C13orf46: variants seen among roughly 807,000 people sequenced by gnomAD.
The protein encoded by C13orf46 is chromosome 13 open reading frame 46.
At chr13:113,945,682 AC>A in the C13orf46 span, among the ~76,000 whole-genome samples, 1,214 of 93,854 alleles carry the variant, frequency 0.013, 12 homozygotes, top group Non-Finnish European at 0.016. Context: ...GGAAAGAAAA[AC>A]AAACCAAGTC....
At chr13:113,952,875 C>G (rs2052494781), downstream of C13orf46, among the ~76,000 whole-genome samples, 3 of 152,238 alleles carry the variant, frequency 2.0e-5, no homozygotes, top group African/African-American at 7.2e-5. Flanking sequence ...CACGCTCATG[C>G]TGGGCGGGGC....
the C13orf46 span, among the ~76,000 whole-genome samples, chr13:113,930,849 G>A: frequency 0.099 from 15,060 of 152,222 alleles, 1,038 homozygotes; most frequent in Non-Finnish European, 0.15. Context: ...CTGAGGCCCG[G>A]GTGGTCCTGG....
chr13:113,963,360 C>CT (rs878857362), intron 6 of C13orf46, among the ~76,000 whole-genome samples: 1 of 41,446 alleles, frequency 2.4e-5, no homozygotes, highest in African/African-American at 6.3e-5. Context: ...AGCCTCGGCC[C>CT]GTCCTCAGCC....
At chr13:113,952,906 C>T (rs902381723), downstream of C13orf46, among the ~76,000 whole-genome samples, 8 of 152,230 alleles carry the variant, frequency 5.3e-5, no homozygotes, top group South Asian at 2.1e-4. Flanking sequence ...AGGCAGCCCC[C>T]GGCCTCAGCA....
the C13orf46 span, among the ~76,000 whole-genome samples, chr13:113,939,158 G>A: frequency 7.7e-6 from 1 of 129,154 alleles, no homozygotes; most frequent in Non-Finnish European, 1.7e-5. Context: ...AACAGCGTCC[G>A]GCTTCTCACT....
chr13:113,953,189 C>G (rs947865294), downstream of C13orf46, among the ~76,000 whole-genome samples: 1 of 152,204 alleles, frequency 6.6e-6, no homozygotes, highest in African/African-American at 2.4e-5. Flanking sequence ...CTGAACAGCT[C>G]GCTCGGGACC....
chr13:113,945,155 T>C, the C13orf46 span, among the ~76,000 whole-genome samples: 7 of 152,182 alleles, frequency 4.6e-5, no homozygotes, highest in Non-Finnish European at 1.0e-4. Context: ...TCTCCAGTTG[T>C]GCGTGGGCCG....
At position 113,954,257 on chromosome 13, in the gene C13orf46, C is replaced by A. The variant is rs2052502850; in HGVS notation, c.*2516G>T. 1 of 152,328 alleles carries A rather than the reference C, an allele frequency of 6.6e-6. No individual in the cohort carries two copies. The highest frequency in any genetic ancestry group is 1.5e-5 in the Non-Finnish European group (1 of 68,114). 9.4% of individuals were successfully genotyped at this position (152,328 alleles called of 1,614,324 possible). A position where few individuals can be genotyped will look rare whatever the true frequency, so the allele number is the denominator to read the frequency against. On this transcript the variant is annotated 3_prime_UTR_variant, in exon 7 of 7. Coordinates refer to ENST00000636427, the MANE Select transcript of C13orf46 (RefSeq NM_001365455.2). ...GTGGCCTCTGACTGCCTTAGAGACA[C>A]CCGGATCAGAGATGCTGCAGGTCAC...
intron 6 of C13orf46, among the ~76,000 whole-genome samples, chr13:113,959,448 C>A (rs1298352814): frequency 6.6e-6 from 1 of 152,084 alleles, no homozygotes; most frequent in Non-Finnish European, 1.5e-5. Context: ...CAGGTGCTTC[C>A]CCTTTTAATC....
At chr13:113,931,322 C>G in the C13orf46 span, among the ~76,000 whole-genome samples, 1 of 152,350 alleles carries the variant, frequency 6.6e-6, no homozygotes, top group South Asian at 2.1e-4. Context: ...GCGGTTGCTT[C>G]TGTGGCTCCT....
intron 5 of C13orf46, among the ~76,000 whole-genome samples, chr13:113,966,062 G>A (rs959481757): frequency 2.9e-4 from 42 of 145,744 alleles, no homozygotes; most frequent in African/African-American, 1.0e-3. Flanking sequence ...CTGGTGATGG[G>A]AATGATGGTG....
At chr13:113,931,492 C>T in the C13orf46 span, among the ~76,000 whole-genome samples, 3 of 152,256 alleles carry the variant, frequency 2.0e-5, no homozygotes, top group Middle Eastern at 3.4e-3. Flanking sequence ...CCTCCCTTGG[C>T]GGGGAGGCCC....
At chr13:113,946,382 T>G in the C13orf46 span, among the ~76,000 whole-genome samples, 1 of 152,158 alleles carries the variant, frequency 6.6e-6, no homozygotes, top group Non-Finnish European at 1.5e-5. Context: ...CCCTCTGTGG[T>G]GGGGCATCCT....
chr13:113,963,056 A>T (rs2052600006), intron 6 of C13orf46, among the ~76,000 whole-genome samples: 1 of 152,338 alleles, frequency 6.6e-6, no homozygotes, highest in African/African-American at 2.4e-5. Flanking sequence ...TCATCATCAC[A>T]GCAGCAATCC....
the C13orf46 span, among the ~76,000 whole-genome samples, chr13:113,941,757 G>T: frequency 6.6e-6 from 1 of 152,206 alleles, no homozygotes. Flanking sequence ...CACCCAGAAG[G>T]CAGCTGCGCA....
the C13orf46 span, among the ~76,000 whole-genome samples, chr13:113,946,822 T>A: frequency 6.6e-6 from 1 of 152,236 alleles, no homozygotes; most frequent in Non-Finnish European, 1.5e-5. Flanking sequence ...GCCCGGCAGC[T>A]CTCTGAGGGT....
the C13orf46 span, among the ~76,000 whole-genome samples, chr13:113,943,834 C>T: frequency 7.9e-5 from 12 of 152,304 alleles, no homozygotes; most frequent in African/African-American, 2.9e-4. Context: ...CCAGACATTC[C>T]ATGGAAACAC....
At chr13:113,930,344 AGGAGCACCGAGGTGGGGGCGC>A in the C13orf46 span, among the ~76,000 whole-genome samples, 1 of 85,444 alleles carries the variant, frequency 1.2e-5, no homozygotes, top group African/African-American at 5.7e-5. Flanking sequence ...GTGGGAGTGG[AGGAGCACCGAGGTGGGGGCGC>A]AGGAGCACCG....
chr13:113,939,368 C>CAG, the C13orf46 span, among the ~76,000 whole-genome samples: 1 of 146,608 alleles, frequency 6.8e-6, no homozygotes, highest in African/African-American at 2.6e-5. Context: ...GGGGAGGATG[C>CAG]AGACCACCCG....
Sources: allele counts gnomAD v4.1 joint callset (sites outside exome capture counted in the v4.1 genomes callset), GRCh38; gene constraint gnomAD v4.1.1; transcripts MANE v1.5; gene names NCBI Gene and HGNC (gene_info 2026-07-23, HGNC 2026-07-21).